The following ABTB3 variants were observed in gnomAD, a reference collection of about 807,000 sequenced individuals.
ABTB3 encodes ankyrin repeat- and BTB/POZ domain-containing protein 3.
At chr12:107,443,510 G>A in the ABTB3 span, among the ~76,000 whole-genome samples, 1 of 152,048 alleles carries the variant, frequency 6.6e-6, no homozygotes, top group African/African-American at 2.4e-5. Context: ...AACAGCAAGT[G>A]CAAAGGCCCT....
At chr12:107,609,638 T>C in the ABTB3 span, among the ~76,000 whole-genome samples, 155 of 152,314 alleles carry the variant, frequency 1.0e-3, no homozygotes, top group African/African-American at 3.6e-3. Flanking sequence ...GCCCTTGCTC[T>C]CAGAAGTCCC....
At chr12:107,534,211 T>TAAAA in the ABTB3 span, among the ~76,000 whole-genome samples, 12,755 of 139,604 alleles carry the variant, frequency 0.091, 611 homozygotes, top group Non-Finnish European at 0.11. Flanking sequence ...CCCTGTCTCT[T>TAAAA]AAAAAAAAAA....
At chr12:107,476,879 G>C in the ABTB3 span, among the ~76,000 whole-genome samples, 1 of 152,020 alleles carries the variant, frequency 6.6e-6, no homozygotes, top group Non-Finnish European at 1.5e-5. Context: ...ACACATATGT[G>C]CTCCTTATTC....
At chr12:107,389,340 T>TA in the ABTB3 span, among the ~76,000 whole-genome samples, 1 of 152,354 alleles carries the variant, frequency 6.6e-6, no homozygotes, top group Middle Eastern at 3.4e-3. Flanking sequence ...TTGCATGCTT[T>TA]ATCTCATTTA....
chr12:107,423,527 A>T, the ABTB3 span, among the ~76,000 whole-genome samples: 1 of 152,134 alleles, frequency 6.6e-6, no homozygotes, highest in Non-Finnish European at 1.5e-5. Flanking sequence ...TGTAAGGAGG[A>T]TGGAGAAGTG....
chr12:107,601,183 T>C, the ABTB3 span, among the ~76,000 whole-genome samples: 1 of 152,224 alleles, frequency 6.6e-6, no homozygotes, highest in Non-Finnish European at 1.5e-5. Context: ...AGGGGGAGAC[T>C]GAGGCTTAGA....
chr12:107,568,127 G>A, the ABTB3 span, among the ~76,000 whole-genome samples: 20,976 of 152,166 alleles, frequency 0.14, 1,656 homozygotes, highest in East Asian at 0.29. Flanking sequence ...CTAAACATAT[G>A]GACTTTGGAT....
chr12:107,642,076 A>G, the ABTB3 span: 1 of 1,610,824 alleles, frequency 6.2e-7, no homozygotes, highest in East Asian at 2.2e-5. Flanking sequence ...TCTCTTTTTT[A>G]TGTCCTTGTT....
chr12:107,545,289 G>T, the ABTB3 span, among the ~76,000 whole-genome samples: 3 of 151,814 alleles, frequency 2.0e-5, no homozygotes, highest in African/African-American at 7.3e-5. Context: ...CCCAGGCTAG[G>T]TAGAGTGCAG....
chr12:107,322,686 T>C, the ABTB3 span, among the ~76,000 whole-genome samples: 10 of 152,390 alleles, frequency 6.6e-5, no homozygotes, highest in South Asian at 1.4e-3. Flanking sequence ...CCAGCAGGGC[T>C]CTGTATATTG....
the ABTB3 span, among the ~76,000 whole-genome samples, chr12:107,524,747 A>G: frequency 6.6e-6 from 1 of 152,136 alleles, no homozygotes; most frequent in Non-Finnish European, 1.5e-5. Flanking sequence ...TTTATACTTA[A>G]CCACTAAACT....
chr12:107,597,221 T>C, the ABTB3 span, among the ~76,000 whole-genome samples: 1 of 152,242 alleles, frequency 6.6e-6, no homozygotes, highest in Non-Finnish European at 1.5e-5. Context: ...GATCTGGCCC[T>C]GTACATTCCA....
the ABTB3 span, among the ~76,000 whole-genome samples, chr12:107,398,002 C>T: frequency 6.6e-6 from 1 of 152,110 alleles, no homozygotes; most frequent in Non-Finnish European, 1.5e-5. Flanking sequence ...GTGGGAAATG[C>T]TATTGAAGAA....
chr12:107,534,211 T>TAA, the ABTB3 span, among the ~76,000 whole-genome samples: 22,452 of 139,684 alleles, frequency 0.16, 2,104 homozygotes, highest in East Asian at 0.29. Context: ...CCCTGTCTCT[T>TAA]AAAAAAAAAA....
At chr12:107,479,707 T>C in the ABTB3 span, among the ~76,000 whole-genome samples, 455 of 152,266 alleles carry the variant, frequency 3.0e-3, 3 homozygotes, top group African/African-American at 0.01. Context: ...ATGGTGATGA[T>C]CGTGCTGAAA....
At chr12:107,496,380 T>G in the ABTB3 span, among the ~76,000 whole-genome samples, 1 of 152,186 alleles carries the variant, frequency 6.6e-6, no homozygotes, top group African/African-American at 2.4e-5. Flanking sequence ...TCGGCTTTCA[T>G]GTCACCTGTT....
chr12:107,329,931 C>A, the ABTB3 span, among the ~76,000 whole-genome samples: 1 of 152,114 alleles, frequency 6.6e-6, no homozygotes, highest in African/African-American at 2.4e-5. Flanking sequence ...ACATGTGCAA[C>A]AAAGGAGAGA....
chr12:107,326,232 G>C, the ABTB3 span, among the ~76,000 whole-genome samples: 1 of 152,224 alleles, frequency 6.6e-6, no homozygotes, highest in Non-Finnish European at 1.5e-5. Context: ...AGACAGTTCA[G>C]AAATCTCAGT....
the ABTB3 span, among the ~76,000 whole-genome samples, chr12:107,643,068 G>T: frequency 6.6e-6 from 1 of 152,040 alleles, no homozygotes. Context: ...ATCCTGCCAG[G>T]CTGTCTTCCC....
Sources: gnomAD v4.1 joint callset for allele counts (sites outside exome capture counted in the v4.1 genomes callset) on GRCh38, gnomAD v4.1.1 for gene constraint, MANE v1.5 for transcripts, NCBI Gene and HGNC (gene_info 2026-07-23, HGNC 2026-07-21) for gene names.